The following SLC24A2 variants were observed in gnomAD, a reference collection of about 807,000 sequenced individuals.
The protein encoded by SLC24A2 is solute carrier family 24 member 2, also known as sodium/potassium/calcium exchanger 2.
A neutral mutation model predicts 62.0 loss-of-function variants in SLC24A2; 36 were observed. The ratio of observed to expected loss-of-function variants is 0.58; its 90% CI spans 0.44 to 0.77. SLC24A2 has a LOEUF of 0.77. Ranked by LOEUF, SLC24A2 falls within the 30% of genes least tolerant of loss-of-function variation. SLC24A2 has a pLI of 0.00. For synonymous variants in SLC24A2, 358 were observed against 294.0 expected (o/e 1.22, Z -2.23); for missense variants, 846 against 817.9 (o/e 1.03, Z -0.42).
the SLC24A2 span, among the ~76,000 whole-genome samples, chr9:19,946,304 C>G: frequency 6.6e-6 from 1 of 152,188 alleles, no homozygotes; most frequent in Non-Finnish European, 1.5e-5. Context: ...CATTAAACCT[C>G]TGGTCTTCAT....
At chr9:19,613,682 A>C (rs543256939) in intron 4 of SLC24A2, among the ~76,000 whole-genome samples, 2 of 152,184 alleles carry the variant, frequency 1.3e-5, no homozygotes, top group South Asian at 4.2e-4. Context: ...ATAATAATAA[A>C]ATCCATCCCT....
chr9:19,996,948 G>A, the SLC24A2 span, among the ~76,000 whole-genome samples: 1 of 151,824 alleles, frequency 6.6e-6, no homozygotes, highest in African/African-American at 2.4e-5. Flanking sequence ...AGTGGTAAAA[G>A]CATGGAGAAT....
chr9:19,744,074 T>A lies in SLC24A2; in HGVS notation c.930+41863A>T, dbSNP rs148951082. ...ACCCCCCACAGTATACCTCACCTCA[T>A]ATGGGCTGGCAGAGCTGCTCTGTGA... On this transcript the variant is annotated intron_variant, in intron 2 of 10. Coordinates refer to ENST00000341998, the MANE Select transcript of SLC24A2 (RefSeq NM_020344.4). Among the ~76,000 whole-genome samples the A allele has an allele frequency of 1.3e-3, 196 of 152,242 alleles. 1 individual carries two copies. Among genetic ancestry groups the A allele is most frequent in the African/African-American group, 4.5e-3 (186 of 41,556 alleles).
At chr9:19,912,432 C>T in the SLC24A2 span, among the ~76,000 whole-genome samples, 176 of 152,226 alleles carry the variant, frequency 1.2e-3, no homozygotes, top group South Asian at 2.7e-3. Flanking sequence ...TGGAAATCAT[C>T]GGTTTCAGTA....
intron 2 of SLC24A2, among the ~76,000 whole-genome samples, chr9:19,741,250 C>T (rs1373808534): frequency 2.6e-5 from 4 of 152,152 alleles, no homozygotes; most frequent in East Asian, 3.9e-4. Context: ...AAACCACGCT[C>T]CTGATTTGCC....
the SLC24A2 span, among the ~76,000 whole-genome samples, chr9:20,279,104 T>TG: frequency 1.3e-5 from 2 of 151,598 alleles, no homozygotes; most frequent in African/African-American, 4.9e-5. Context: ...GAGAACAACA[T>TG]GAAAAAAAAC....
chr9:19,534,146 T>G (rs963995443), intron 8 of SLC24A2, among the ~76,000 whole-genome samples: 2 of 152,172 alleles, frequency 1.3e-5, no homozygotes, highest in Non-Finnish European at 2.9e-5. Flanking sequence ...TTCCTAATGT[T>G]GTACAGCTAA....
the SLC24A2 span, among the ~76,000 whole-genome samples, chr9:20,048,454 A>G: frequency 6.6e-6 from 1 of 152,234 alleles, no homozygotes; most frequent in Non-Finnish European, 1.5e-5. Flanking sequence ...ACATTGGTCT[A>G]GACTGAAAGA....
the SLC24A2 span, among the ~76,000 whole-genome samples, chr9:20,193,034 A>G: frequency 6.6e-6 from 1 of 152,172 alleles, no homozygotes; most frequent in Non-Finnish European, 1.5e-5. Context: ...GGCAATTGAC[A>G]TTTGATTATC....
chr9:19,919,733 T>C, the SLC24A2 span, among the ~76,000 whole-genome samples: 2 of 152,144 alleles, frequency 1.3e-5, no homozygotes, highest in African/African-American at 2.4e-5. Context: ...GAAGCAAATA[T>C]GTCCTTCTTC....
Position 19,532,387 on chromosome 9 carries a change from C to G in SLC24A2, c.1480-4249G>C, listed in dbSNP as rs972544440. Among the ~76,000 whole-genome samples the G allele has an allele frequency of 3.3e-5, 5 of 152,306 alleles. No individual in the cohort carries two copies. The East Asian group carries it at 9.6e-4, about 29-fold the overall frequency. ...CTGGGACTACAGGTGTGAGATACCT[C>G]ACCTGACTCCCATATACTTTAAATC... is the stretch of plus-strand genomic sequence containing the variant. On this transcript the variant is annotated intron_variant, in intron 8 of 10. Transcript: ENST00000341998.
rs1002285301 is a variant in SLC24A2, at chr9:19,553,263, C to A, written c.1348-2995G>T. ...ATTTTGTCTTTGTTCAAACTGGATG[C>A]TCCAGGGGAGAGGCCACTGAGGTTA... is the stretch of plus-strand genomic sequence containing the variant. On this transcript the variant is annotated intron_variant, in intron 7 of 10. Coordinates refer to ENST00000341998, the MANE Select transcript of SLC24A2 (RefSeq NM_020344.4). Among the ~76,000 whole-genome samples, 3 of 152,194 alleles carry A rather than the reference C, an allele frequency of 2.0e-5. No individual in the cohort carries two copies. The East Asian group carries it at 5.8e-4, about 29-fold the overall frequency.
At chr9:19,883,767 G>T in the SLC24A2 span, among the ~76,000 whole-genome samples, 1 of 152,014 alleles carries the variant, frequency 6.6e-6, no homozygotes, top group Non-Finnish European at 1.5e-5. Flanking sequence ...GGGTTTCACT[G>T]TGTTAGCCAG....
intron 5 of SLC24A2, among the ~76,000 whole-genome samples, chr9:19,594,185 T>C (rs1162817416): frequency 6.6e-6 from 1 of 152,104 alleles, no homozygotes; most frequent in Admixed American, 6.6e-5. Flanking sequence ...TGTCATCTTC[T>C]GAACACCTGT....
the SLC24A2 span, among the ~76,000 whole-genome samples, chr9:19,921,424 C>G: frequency 6.8e-6 from 1 of 148,018 alleles, no homozygotes; most frequent in Admixed American, 6.9e-5. Flanking sequence ...TCGGGAGGGA[C>G]AGAATGGCGT....
the SLC24A2 span, among the ~76,000 whole-genome samples, chr9:19,823,493 G>C: frequency 1.3e-5 from 2 of 152,058 alleles, no homozygotes; most frequent in African/African-American, 2.4e-5. Flanking sequence ...GCTGGGCATG[G>C]TGGTGCATGC....
chr9:19,757,248 G>C lies in SLC24A2; in HGVS notation c.930+28689C>G, dbSNP rs1041388549. ...ACCCCGAGAACTGAGCATGGGGATT[G>C]TTGTGTATTTAACATACTGTATGTT... is the stretch of plus-strand genomic sequence containing the variant. On this transcript the variant is annotated intron_variant, in intron 2 of 10. Transcript: ENST00000341998. Among the ~76,000 whole-genome samples the C allele has an allele frequency of 2.6e-5, 4 of 151,974 alleles. No homozygotes were observed. In the East Asian group the frequency reaches 7.7e-4, roughly 29 times the overall value.
intron 2 of SLC24A2, among the ~76,000 whole-genome samples, chr9:19,666,287 T>C (rs1819251092): frequency 2.0e-5 from 3 of 152,058 alleles, no homozygotes; most frequent in Admixed American, 1.3e-4. Context: ...GCACTTGTAG[T>C]CCCAGCTACT....
the SLC24A2 span, among the ~76,000 whole-genome samples, chr9:20,302,486 T>G: frequency 6.6e-6 from 1 of 152,222 alleles, no homozygotes; most frequent in Non-Finnish European, 1.5e-5. Context: ...GACAGTGATG[T>G]GGAACTTCTT....
Sources: gnomAD v4.1 joint callset for allele counts (sites outside exome capture counted in the v4.1 genomes callset) on GRCh38, gnomAD v4.1.1 for gene constraint, MANE v1.5 for transcripts, NCBI Gene and HGNC (gene_info 2026-07-23, HGNC 2026-07-21) for gene names.